RABGAP1L: variants seen among roughly 807,000 people sequenced by gnomAD.
RABGAP1L encodes the protein rab GTPase-activating protein 1-like.
In RABGAP1L, 63 loss-of-function variants were observed where a neutral mutation model predicts 137.7. The observed-to-expected ratio is 0.46, with a 90% CI of 0.37 to 0.56. The LOEUF (loss-of-function observed/expected upper bound fraction) is 0.56, where lower values mean the gene tolerates loss of function less well. RABGAP1L is among the 20% of genes least tolerant of loss of function. RABGAP1L has a pLI of 0.00. For missense variants in RABGAP1L, 1,095 were observed against 1,244.0 expected, an observed-to-expected ratio of 0.88 and a Z score of 1.80; for synonymous variants, 431 against 433.7, an observed-to-expected ratio of 0.99 and a Z score of 0.08.
At chr1:174,302,224 T>C (rs767464536) in intron 10 of RABGAP1L, among the ~76,000 whole-genome samples, 3 of 152,242 alleles carry the variant, frequency 2.0e-5, no homozygotes, top group Non-Finnish European at 4.4e-5. Context: ...GCTGCTTCAT[T>C]ATTCCTGAAC....
chr1:174,676,950 T>TA (rs1383187353), intron 14 of RABGAP1L, among the ~76,000 whole-genome samples: 1 of 152,160 alleles, frequency 6.6e-6, no homozygotes, highest in African/African-American at 2.4e-5. Context: ...GTAGATGGTT[T>TA]ATGTTAAAGT....
chr1:174,841,426 A>G (rs991003558), intron 19 of RABGAP1L, among the ~76,000 whole-genome samples: 2 of 152,108 alleles, frequency 1.3e-5, no homozygotes, highest in Non-Finnish European at 2.9e-5. Flanking sequence ...AATGAAAACA[A>G]TACATATCAG....
At chr1:174,275,540 A>T (rs973272689) in intron 8 of RABGAP1L, among the ~76,000 whole-genome samples, 1 of 152,314 alleles carries the variant, frequency 6.6e-6, no homozygotes, top group Non-Finnish European at 1.5e-5. Context: ...GATCAAGTTA[A>T]ATACAACTTT....
intron 13 of RABGAP1L, among the ~76,000 whole-genome samples, chr1:174,565,884 A>T (rs75120198): frequency 0.086 from 11,418 of 132,768 alleles, 639 homozygotes; most frequent in East Asian, 0.34. Flanking sequence ...AATCCTTTAC[A>T]TTTTTTTTTT....
Position 174,990,088 on chromosome 1 carries a change from T to C in RABGAP1L, c.*87T>C. On this transcript the variant is annotated 3_prime_UTR_variant, in exon 26 of 26. Coordinates refer to ENST00000681986, the MANE Select transcript of RABGAP1L (RefSeq NM_001366446.1). ...TTCCTGGTGTCCCTTTGAAGGAAAG[T>C]CAAGGAGGCCAGAAAACAAGCCAGA... 1 of 1,398,820 alleles carries C rather than the reference T, an allele frequency of 7.1e-7. No homozygotes were observed. 86.7% of individuals were successfully genotyped at this position (1,398,820 alleles called of 1,614,324 possible). A position where few individuals can be genotyped will look rare whatever the true frequency, so the allele number is the denominator to read the frequency against.
chr1:174,568,583 TA>T (rs2148041212), intron 13 of RABGAP1L, among the ~76,000 whole-genome samples: 1 of 152,218 alleles, frequency 6.6e-6, no homozygotes, highest in African/African-American at 2.4e-5. Context: ...ATTAGGGAAA[TA>T]AAGAAAGAGG....
chr1:174,394,642 T>G (rs1647594886), intron 13 of RABGAP1L, among the ~76,000 whole-genome samples: 1 of 152,182 alleles, frequency 6.6e-6, no homozygotes, highest in African/African-American at 2.4e-5. Context: ...AATACCTGGT[T>G]TTAGAGCATA....
intron 1 of RABGAP1L, among the ~76,000 whole-genome samples, chr1:174,166,692 C>T (rs1236827948): frequency 6.6e-6 from 1 of 152,192 alleles, no homozygotes; most frequent in East Asian, 1.9e-4. Context: ...TTTCTGTCTG[C>T]TGATGATTTC....
At chr1:174,722,319 G>T (rs1026144281) in intron 17 of RABGAP1L, among the ~76,000 whole-genome samples, 3 of 152,124 alleles carry the variant, frequency 2.0e-5, no homozygotes, top group African/African-American at 7.2e-5. Context: ...AAGCTTAAAA[G>T]ATTCTACACT....
chr1:174,449,252 T>C, intron 13 of RABGAP1L: 1 of 1,410,464 alleles, frequency 7.1e-7, no homozygotes, highest in Non-Finnish European at 9.6e-7. Context: ...GATCATATTC[T>C]AGATTCATCT....
At position 174,585,877 on chromosome 1, in the gene RABGAP1L, CTATG is replaced by C. The variant is rs1669075123; in HGVS notation, c.1711-51496_1711-51493del. ...GAAGTAGTGTATCATGTGTGCATGTCTATGTGTGTGTATTTATTAAAGAAGATTC... is the reference window on the plus strand; with the variant it reads ...GAAGTAGTGTATCATGTGTGCATGTCTGTGTGTATTTATTAAAGAAGATTC... On this transcript the variant is annotated intron_variant, in intron 13 of 25. Coordinates refer to ENST00000681986, the MANE Select transcript of RABGAP1L (RefSeq NM_001366446.1). Among the ~76,000 whole-genome samples the C allele has an allele frequency of 2.0e-5, 3 of 152,108 alleles. No homozygotes were observed. In the South Asian group the frequency reaches 6.2e-4, roughly 32 times the overall value.
intron 13 of RABGAP1L, among the ~76,000 whole-genome samples, chr1:174,522,078 C>CA (rs72074759): frequency 3.7e-4 from 54 of 147,794 alleles, no homozygotes; most frequent in Admixed American, 1.3e-3. Context: ...GACTCTGTCT[C>CA]AAAAAAAAAA....
intron 19 of RABGAP1L, chr1:174,922,319 G>T: frequency 5.3e-6 from 1 of 189,142 alleles, no homozygotes; most frequent in South Asian, 1.1e-4. Context: ...TGTTTCAAAT[G>T]ATGAACTTCT....
At chr1:174,933,187 A>G (rs911008115) in intron 19 of RABGAP1L, among the ~76,000 whole-genome samples, 5 of 151,984 alleles carry the variant, frequency 3.3e-5, no homozygotes, top group African/African-American at 7.3e-5. Flanking sequence ...TATTTCTTCA[A>G]CCCCACAGAG....
intron 10 of RABGAP1L, among the ~76,000 whole-genome samples, chr1:174,284,372 T>A (rs961625110): frequency 6.6e-6 from 1 of 152,224 alleles, no homozygotes; most frequent in African/African-American, 2.4e-5. Flanking sequence ...TTTTTTTACT[T>A]AGCATAATGC....
chr1:174,243,593 A>G (rs760830354), intron 5 of RABGAP1L, among the ~76,000 whole-genome samples: 2 of 152,228 alleles, frequency 1.3e-5, no homozygotes, highest in Non-Finnish European at 2.9e-5. Context: ...CAATATAAAT[A>G]GAGAGCTTAT....
chr1:174,715,012 T>C (rs2148569789), intron 17 of RABGAP1L, among the ~76,000 whole-genome samples: 1 of 152,322 alleles, frequency 6.6e-6, no homozygotes, highest in African/African-American at 2.4e-5. Flanking sequence ...TAGCATAGTT[T>C]TAATATAGGG....
At chr1:174,426,097 C>A (rs1177233925) in intron 13 of RABGAP1L, among the ~76,000 whole-genome samples, 1 of 152,020 alleles carries the variant, frequency 6.6e-6, no homozygotes, top group Non-Finnish European at 1.5e-5. Flanking sequence ...CTATTTAATA[C>A]CTTTACACTT....
chr1:174,238,526 A>C (rs559853016), intron 4 of RABGAP1L, among the ~76,000 whole-genome samples: 81 of 152,022 alleles, frequency 5.3e-4, no homozygotes, highest in East Asian at 1.4e-3. Flanking sequence ...AATACCCTGC[A>C]GTGTGAGGTG....
Sources: gnomAD v4.1 joint callset for allele counts (sites outside exome capture counted in the v4.1 genomes callset) on GRCh38, gnomAD v4.1.1 for gene constraint, MANE v1.5 for transcripts, NCBI Gene and HGNC (gene_info 2026-07-23, HGNC 2026-07-21) for gene names.